Variants in SLC22A25 observed in about 807,000 individuals in gnomAD.
SLC22A25 encodes solute carrier family 22 member 25, also known as MGI:2442751, MGI:2385316, MGI:3042283, MGI:3645714, MGI:3605624, MGI:2442750.
A neutral mutation model predicts 45.9 loss-of-function variants in SLC22A25; 44 were observed. That is an observed-to-expected ratio of 0.96 (90% CI 0.75 to 1.23). SLC22A25 has a LOEUF of 1.23. SLC22A25 is among the 50% of genes most tolerant of loss of function. The pLI is 0.00. For missense variants in SLC22A25, 800 were observed against 666.4 expected, an observed-to-expected ratio of 1.20 and a Z score of -2.21; for synonymous variants, 283 against 238.6, an observed-to-expected ratio of 1.19 and a Z score of -1.72.
Position 63,229,639 on chromosome 11 carries a change from T to A in SLC22A25, c.14A>T (p.Asp5Val). The change falls in exon 4 of 12, where the codon GAC becomes GTC. Residue 5 changes from aspartate (D) to valine (V), a missense_variant. Coordinates refer to ENST00000306494, the MANE Select transcript of SLC22A25 (RefSeq NM_199352.6). ...CAGGCCTCCAACTTGATCTAGGAGG[T>A]CCTGAAAGGCCATTGAGGCTGGACA... MAFQ[D>V]LLDQVGGLGR... 1 of 1,601,772 alleles carries A rather than the reference T, an allele frequency of 6.2e-7. No homozygotes were observed. The highest frequency in any genetic ancestry group is 8.5e-7 in the Non-Finnish European group (1 of 1,169,794).
intron 7 of SLC22A25, among the ~76,000 whole-genome samples, chr11:63,201,465 C>T (rs757358018): frequency 2.0e-5 from 3 of 152,138 alleles, no homozygotes; most frequent in Non-Finnish European, 4.4e-5. Context: ...ATTCAGAAGA[C>T]TAAAACTGAA....
intron 1 of SLC22A25, among the ~76,000 whole-genome samples, chr11:63,241,487 C>T (rs1240050348): frequency 6.6e-6 from 1 of 152,146 alleles, no homozygotes; most frequent in African/African-American, 2.4e-5. Flanking sequence ...TCTTTCCTTC[C>T]TATTATCCAA....
At chr11:63,204,660 G>A (rs183711760) in intron 7 of SLC22A25, among the ~76,000 whole-genome samples, 193 of 152,266 alleles carry the variant, frequency 1.3e-3, no homozygotes, top group African/African-American at 4.4e-3. Flanking sequence ...CATTCATAAA[G>A]CAAGTTCTTA....
At chr11:63,242,829 G>A (rs1210356977) in intron 1 of SLC22A25, among the ~76,000 whole-genome samples, 1 of 152,164 alleles carries the variant, frequency 6.6e-6, no homozygotes, top group Admixed American at 6.5e-5. Flanking sequence ...CACTAAAGAA[G>A]GAGGTGGAGT....
intron 9 of SLC22A25, among the ~76,000 whole-genome samples, chr11:63,175,841 A>G (rs1358845144): frequency 6.6e-6 from 1 of 151,300 alleles, no homozygotes; most frequent in Non-Finnish European, 1.5e-5. Context: ...ATATATATAC[A>G]CATTTTAATA....
chr11:63,166,976 C>T (rs1343846133), intron 9 of SLC22A25: 12 of 512,196 alleles, frequency 2.3e-5, no homozygotes, highest in Non-Finnish European at 3.0e-5. Context: ...AACTGAGGTA[C>T]CCGGTTCATC....
At chr11:63,195,040 A>C (rs542730004) in intron 7 of SLC22A25, among the ~76,000 whole-genome samples, 2 of 152,214 alleles carry the variant, frequency 1.3e-5, no homozygotes, top group South Asian at 4.2e-4. Flanking sequence ...TCAATGCAAC[A>C]AGAAGAGCTA....
chr11:63,163,931 G>A lies in SLC22A25; in HGVS notation c.1537C>T (p.Leu513Phe), dbSNP rs751997041. ...TGGTTCCTGGTTTCAGGAAGGAGGA[G>A]GACAACAAGGCCAGAGAGGATGGCA... is the stretch of plus-strand genomic sequence containing the variant. ...VFAILSGLVV[L>F]LLPETRNQPL... Residue 513 changes from leucine (L) to phenylalanine (F), a missense_variant, in exon 12 of 12, where the codon CTC becomes TTC. Physicochemically the swap from Leu to Phe is conservative, Grantham distance 22. Coordinates refer to ENST00000306494, the MANE Select transcript of SLC22A25 (RefSeq NM_199352.6). 21 of 1,613,776 alleles carry A rather than the reference G, an allele frequency of 1.3e-5. No homozygotes were observed. Among genetic ancestry groups the A allele is most frequent in the South Asian group, 2.2e-5 (2 of 91,062 alleles).
chr11:63,166,725 T>C, intron 9 of SLC22A25: 1 of 992,062 alleles, frequency 1.0e-6, no homozygotes, highest in Non-Finnish European at 1.2e-6. Flanking sequence ...ACTTATTGGG[T>C]ACAGATTGTA....
At chr11:63,228,609 G>T in intron 4 of SLC22A25, 45 bp from the exon 5 acceptor site, 6 of 1,397,922 alleles carry the variant, frequency 4.3e-6, no homozygotes, top group Non-Finnish European at 6.0e-6. Flanking sequence ...TAGCCCCTCA[G>T]TGTAACCTTA....
chr11:63,205,642 T>C (rs1477489788), intron 7 of SLC22A25, among the ~76,000 whole-genome samples: 2 of 152,166 alleles, frequency 1.3e-5, no homozygotes, highest in African/African-American at 4.8e-5. Context: ...TAACAAGTTC[T>C]GAAATTGAGG....
At chr11:63,223,778 G>A (rs1479944338) in intron 5 of SLC22A25, among the ~76,000 whole-genome samples, 1 of 151,662 alleles carries the variant, frequency 6.6e-6, no homozygotes, top group Non-Finnish European at 1.5e-5. Context: ...TCTTGGTACC[G>A]CTTTTGCTGT....
intron 7 of SLC22A25, among the ~76,000 whole-genome samples, chr11:63,193,949 C>T (rs2134760429): frequency 6.6e-6 from 1 of 152,228 alleles, no homozygotes; most frequent in African/African-American, 2.4e-5. Context: ...CTAGAATAAA[C>T]AGTGTAGAGA....
chr11:63,225,680 TTG>T (rs1335264762), intron 5 of SLC22A25, among the ~76,000 whole-genome samples: 1 of 152,198 alleles, frequency 6.6e-6, no homozygotes, highest in Non-Finnish European at 1.5e-5. Context: ...TTCTCTGTAT[TTG>T]TGAAGTTCTC....
intron 1 of SLC22A25, among the ~76,000 whole-genome samples, chr11:63,242,429 G>T (rs2090264614): frequency 6.6e-6 from 1 of 152,186 alleles, no homozygotes. Flanking sequence ...ACACTTGCAT[G>T]ACTCCTGTTT....
At chr11:63,205,911 C>T (rs1344267542) in intron 7 of SLC22A25, among the ~76,000 whole-genome samples, 1 of 152,114 alleles carries the variant, frequency 6.6e-6, no homozygotes, top group Non-Finnish European at 1.5e-5. Context: ...AAAATATGGG[C>T]AAACTGAATC....
chr11:63,193,396 T>A (rs772668481), intron 7 of SLC22A25, among the ~76,000 whole-genome samples: 29 of 152,268 alleles, frequency 1.9e-4, no homozygotes, highest in Non-Finnish European at 4.0e-4. Context: ...AGGGGCTGAC[T>A]GACACCTCAT....
intron 5 of SLC22A25, among the ~76,000 whole-genome samples, chr11:63,225,834 T>A (rs542183375): frequency 6.6e-6 from 1 of 152,106 alleles, no homozygotes; most frequent in Non-Finnish European, 1.5e-5. Context: ...CTTTTCACTT[T>A]TGTCTCCTCT....
chr11:63,207,190 A>G (rs1049773961), intron 7 of SLC22A25, among the ~76,000 whole-genome samples: 28 of 152,242 alleles, frequency 1.8e-4, no homozygotes, highest in African/African-American at 6.8e-4. Flanking sequence ...AGGCATTACC[A>G]TTCAGGACAT....
Sources: gnomAD v4.1 joint callset for allele counts (sites outside exome capture counted in the v4.1 genomes callset) on GRCh38, gnomAD v4.1.1 for gene constraint, MANE v1.5 for transcripts, NCBI Gene and HGNC (gene_info 2026-07-23, HGNC 2026-07-21) for gene names.